The following RBFOX1 variants were observed in gnomAD, a reference collection of about 807,000 sequenced individuals.
RBFOX1 encodes the protein RNA binding protein fox-1 homolog 1.
Under a neutral mutation model 57.7 loss-of-function variants are expected in RBFOX1, and 8 were observed. That is an observed-to-expected ratio of 0.14 (90% CI 0.08 to 0.25). The LOEUF (loss-of-function observed/expected upper bound fraction) is 0.25, where lower values mean the gene tolerates loss of function less well. Ranked by LOEUF, RBFOX1 falls within the 10% of genes least tolerant of loss-of-function variation. The pLI is 1.00. For missense variants in RBFOX1, 611 were observed against 548.5 expected, an observed-to-expected ratio of 1.11 and a Z score of -1.14; for synonymous variants, 326 against 222.4, an observed-to-expected ratio of 1.47 and a Z score of -4.15.
rs1003311259 is a variant in RBFOX1, at chr16:6,430,754, A to G, written c.-64+113697A>G. On this transcript the variant is annotated intron_variant, in intron 2 of 15. Transcript: ENST00000550418. The stretch of plus-strand genomic sequence containing the variant: ...ACCAAATGCTTGGCAACAAGGTTCT[A>G]TTTGCATTTTAGAAAGGCCACTCTG... 3.3e-5 allele frequency among the ~76,000 whole-genome samples: 5 copies of G among 152,046 alleles called. 1 individual carries two copies. The highest frequency in any genetic ancestry group is 9.7e-5 in the African/African-American group (4 of 41,398).
chr16:5,655,742 T>G (rs2049406115), intron 3 of RBFOX1, among the ~76,000 whole-genome samples: 1 of 152,168 alleles, frequency 6.6e-6, no homozygotes, highest in Non-Finnish European at 1.5e-5. Context: ...GAAATGGAAT[T>G]TAATAGCTTG....
rs369787173 is a variant in RBFOX1 at position 6,715,594 on chromosome 16, G to T, written c.-16+60944G>T. On this transcript the variant is annotated intron_variant, in intron 3 of 15. Coordinates refer to ENST00000550418, the MANE Select transcript of RBFOX1 (RefSeq NM_018723.4). The stretch of plus-strand genomic sequence containing the variant: ...TCTTAAGAGCTAAGAATCCAGATTG[G>T]CTGAGCTAGTTTTCTCTTGTGGTCT... 3.2e-4 allele frequency among the ~76,000 whole-genome samples: 48 copies of T among 152,260 alleles called. 2 individuals carry two copies. The South Asian group carries it at 9.3e-3, about 30-fold the overall frequency.
rs199690584 is a variant in RBFOX1 at position 6,060,122 on chromosome 16, G to GTTTTTTTTTTTTTT, written c.-127+40153_-127+40166dup. Among the ~76,000 whole-genome samples, 23 of 114,194 alleles carry GTTTTTTTTTTTTTT rather than the reference G, an allele frequency of 2.0e-4. 2 individuals are homozygous for GTTTTTTTTTTTTTT. The highest frequency in any genetic ancestry group is 4.7e-4 in the African/African-American group (13 of 27,746). The allele number at this position is 114,194 out of a possible 152,430, so 74.9% of individuals were successfully genotyped here. On this transcript the variant is annotated intron_variant, in intron 1 of 15. Transcript: ENST00000550418. Reference sequence around the variant, plus strand: ...ATTTGGCCCTAAAATTAGGATTAGGGTTTTTTTTTTTTTTTTTTTTTTTTT... The same window carrying GTTTTTTTTTTTTTT: ...ATTTGGCCCTAAAATTAGGATTAGGGTTTTTTTTTTTTTTTTTTTTTTTTTTTTTTTTTTTTTTT...
At chr16:6,342,987 A>T (rs971449175) in intron 2 of RBFOX1, among the ~76,000 whole-genome samples, 3 of 152,100 alleles carry the variant, frequency 2.0e-5, no homozygotes, top group African/African-American at 7.2e-5. Context: ...TCCTCCCTTT[A>T]GGAGACCATG....
At chr16:6,742,951 A>G (rs954976148) in intron 3 of RBFOX1, among the ~76,000 whole-genome samples, 3 of 152,322 alleles carry the variant, frequency 2.0e-5, no homozygotes, top group Non-Finnish European at 4.4e-5. Context: ...GGTTAAACTT[A>G]TACAAACACA....
intron 3 of RBFOX1, among the ~76,000 whole-genome samples, chr16:5,794,497 T>G (rs892654531): frequency 3.9e-5 from 6 of 151,936 alleles, no homozygotes; most frequent in Non-Finnish European, 7.4e-5. Context: ...TATGTGAAAC[T>G]CAATGCCAGC....
intron 3 of RBFOX1, among the ~76,000 whole-genome samples, chr16:6,890,301 T>TTGAGGTCACC (rs1011051473): frequency 6.6e-6 from 1 of 152,096 alleles, no homozygotes; most frequent in African/African-American, 2.4e-5. Context: ...GGTGGATTGC[T>TTGAGGTCACC]TGAGGTCAGG....
chr16:6,948,882 A>T (rs2080122517), intron 3 of RBFOX1, among the ~76,000 whole-genome samples: 1 of 152,176 alleles, frequency 6.6e-6, no homozygotes, highest in East Asian at 1.9e-4. Flanking sequence ...CAGTGACCAG[A>T]GGGACAGCAT....
chr16:6,446,340 A>G (rs1386312439), intron 2 of RBFOX1, among the ~76,000 whole-genome samples: 1 of 152,118 alleles, frequency 6.6e-6, no homozygotes, highest in African/African-American at 2.4e-5. Flanking sequence ...TTTCTGGAGT[A>G]TTGGTCAAAA....
chr16:6,878,993 C>G (rs1156892992), intron 3 of RBFOX1, among the ~76,000 whole-genome samples: 2 of 152,202 alleles, frequency 1.3e-5, no homozygotes, highest in East Asian at 3.9e-4. Flanking sequence ...TAAGGTCATG[C>G]AAATGCTAAT....
chr16:5,337,515 T>C (rs1305126456), intron 1 of RBFOX1, among the ~76,000 whole-genome samples: 1 of 152,228 alleles, frequency 6.6e-6, no homozygotes, highest in African/African-American at 2.4e-5. Context: ...CATAACCTAA[T>C]ATTACTGTCA....
chr16:6,562,882 T>C (rs2097201381), intron 2 of RBFOX1, among the ~76,000 whole-genome samples: 1 of 113,006 alleles, frequency 8.8e-6, no homozygotes, highest in Non-Finnish European at 2.0e-5. Context: ...CTTTCTTTCT[T>C]TTTTTTTTTT....
At position 7,444,604 on chromosome 16, in the gene RBFOX1, C is replaced by G. The variant is rs142593900; in HGVS notation, c.28-73543C>G. 7.5e-3 allele frequency among the ~76,000 whole-genome samples: 1,148 copies of G among 152,166 alleles called. 13 individuals are homozygous for G. Among genetic ancestry groups the G allele is most frequent in the African/African-American group, 0.026 (1,088 of 41,512 alleles). On this transcript the variant is annotated intron_variant, in intron 4 of 15. Transcript: ENST00000550418. ...CTAGACTGCAGTGGCATGATCCTAG[C>G]TCACTGCAGCCTCAACCTCCCAGGC...
intron 2 of RBFOX1, among the ~76,000 whole-genome samples, chr16:6,468,887 G>T (rs1377251018): frequency 1.3e-5 from 2 of 151,954 alleles, no homozygotes; most frequent in African/African-American, 2.4e-5. Flanking sequence ...TCATCACCCA[G>T]GTATTAAGCC....
At chr16:6,341,977 C>T (rs1183964485) in intron 2 of RBFOX1, among the ~76,000 whole-genome samples, 1 of 152,206 alleles carries the variant, frequency 6.6e-6, no homozygotes, top group African/African-American at 2.4e-5. Context: ...CATCTACAAC[C>T]TTAATTCTCC....
intron 3 of RBFOX1, among the ~76,000 whole-genome samples, chr16:6,661,631 C>A (rs1457003618): frequency 6.6e-6 from 1 of 152,108 alleles, no homozygotes; most frequent in Non-Finnish European, 1.5e-5. Flanking sequence ...GGGGTTGGAG[C>A]CCAGAGAAAG....
intron 1 of RBFOX1, among the ~76,000 whole-genome samples, chr16:6,098,685 C>T (rs2152550086): frequency 6.6e-6 from 1 of 152,340 alleles, no homozygotes; most frequent in African/African-American, 2.4e-5. Context: ...CCAAAAAGCT[C>T]ATCATCTGAG....
downstream of RBFOX1, chr16:5,601,085 C>G (rs1013785010): frequency 3.9e-5 from 6 of 152,172 alleles, no homozygotes; most frequent in African/African-American, 1.4e-4. Flanking sequence ...GTATGAAGCA[C>G]GAAAGTATTG....
intron 1 of RBFOX1, among the ~76,000 whole-genome samples, chr16:6,291,648 G>T (rs146207459): frequency 2.9e-4 from 44 of 152,256 alleles, no homozygotes; most frequent in Admixed American, 1.4e-3. Context: ...ATCCTTTGCC[G>T]TATTGTCTAC....
Sources: gnomAD v4.1 joint callset for allele counts (sites outside exome capture counted in the v4.1 genomes callset) on GRCh38, gnomAD v4.1.1 for gene constraint, MANE v1.5 for transcripts, NCBI Gene and HGNC (gene_info 2026-07-23, HGNC 2026-07-21) for gene names.